ARPP21: variants seen among roughly 807,000 people sequenced by gnomAD.
The protein encoded by ARPP21 is cAMP-regulated phosphoprotein 21.
A neutral mutation model predicts 113.2 loss-of-function variants in ARPP21; 69 were observed. The observed-to-expected ratio is 0.61, with a 90% CI of 0.50 to 0.74. The LOEUF (loss-of-function observed/expected upper bound fraction) is 0.74. ARPP21 is among the 30% of genes least tolerant of loss of function. The pLI is 0.00. For synonymous variants in ARPP21, 368 were observed against 375.5 expected (o/e 0.98, Z 0.23); for missense variants, 1,070 against 1,037.4 (o/e 1.03, Z -0.43).
At chr3:35,681,527 T>C in intron 2 of ARPP21, 187 bp from the exon 3 acceptor site, 1 of 497,612 alleles carries the variant, frequency 2.0e-6, no homozygotes, top group Non-Finnish European at 3.6e-6. Context: ...GGGGTGTGGA[T>C]GGGACAACTG....
chr3:35,672,874 A>G (rs941704251), intron 1 of ARPP21, among the ~76,000 whole-genome samples: 1 of 152,036 alleles, frequency 6.6e-6, no homozygotes, highest in African/African-American at 2.4e-5. Flanking sequence ...GAATAGATGT[A>G]TTTGATGTGA....
chr3:35,657,885 C>T (rs988491512), intron 1 of ARPP21, among the ~76,000 whole-genome samples: 23 of 152,176 alleles, frequency 1.5e-4, no homozygotes, highest in African/African-American at 2.9e-4. Flanking sequence ...GACCAGTGGT[C>T]GTGCATCCAC....
intron 1 of ARPP21, among the ~76,000 whole-genome samples, chr3:35,654,151 T>G (rs952274458): frequency 1.3e-5 from 2 of 152,072 alleles, no homozygotes; most frequent in African/African-American, 4.8e-5. Context: ...AATATTATTT[T>G]TTCAGAAAAT....
chr3:35,721,546 A>T, intron 13 of ARPP21, 59 bp from the exon 14 acceptor site: 1 of 980,998 alleles, frequency 1.0e-6, no homozygotes, highest in East Asian at 2.5e-5. Context: ...TGTGCCTACC[A>T]ACACCATGCA....
In ARPP21 at chr3:35,640,069, C is replaced by G. The variant is rs558308694; in HGVS notation, c.-542C>G. The G allele has an allele frequency of 2.6e-5, 4 of 152,496 alleles. No individual in the cohort carries two copies. The highest frequency in any genetic ancestry group is 1.3e-4 in the Admixed American group (2 of 15,308). 9.4% of individuals were successfully genotyped at this position (152,496 alleles called of 1,614,324 possible). A position where few individuals can be genotyped will look rare whatever the true frequency, so the allele number is the denominator to read the frequency against. ...GAAGGCGGCGGTGGCACCTTCTGAG[C>G]GCGTCCGGAGCAGAGACCAGCAGCA... On this transcript the variant is annotated 5_prime_UTR_variant, in exon 1 of 21. Transcript: ENST00000684406.
intron 19 of ARPP21, among the ~76,000 whole-genome samples, chr3:35,762,441 A>G (rs2095817701): frequency 6.6e-6 from 1 of 152,120 alleles, no homozygotes; most frequent in Admixed American, 6.6e-5. Context: ...CAGGTGTGAT[A>G]CTATTCAGGG....
At chr3:35,769,705 T>G (rs2096126328) in intron 19 of ARPP21, among the ~76,000 whole-genome samples, 1 of 152,184 alleles carries the variant, frequency 6.6e-6, no homozygotes, top group South Asian at 2.1e-4. Flanking sequence ...GCTAACACTA[T>G]CTCTATCTAT....
At chr3:35,742,178 G>A (rs944085469) in intron 18 of ARPP21, among the ~76,000 whole-genome samples, 1 of 152,196 alleles carries the variant, frequency 6.6e-6, no homozygotes, top group Non-Finnish European at 1.5e-5. Flanking sequence ...TCAAGGAATA[G>A]ATATCACATT....
intron 9 of ARPP21, among the ~76,000 whole-genome samples, chr3:35,694,270 CT>C (rs965912363): frequency 7.9e-5 from 12 of 151,530 alleles, no homozygotes; most frequent in African/African-American, 2.9e-4. Context: ...CTGCACTGAC[CT>C]CTGGTATTTT....
intron 5 of ARPP21, chr3:35,685,217 C>T (rs891319467): frequency 2.0e-6 from 2 of 985,226 alleles, no homozygotes; most frequent in Admixed American, 6.2e-5. Flanking sequence ...AACTGTATCA[C>T]AGTGCCCACT....
intron 13 of ARPP21, among the ~76,000 whole-genome samples, chr3:35,718,925 T>C (rs1439359191): frequency 3.5e-5 from 5 of 143,646 alleles, no homozygotes; most frequent in South Asian, 2.2e-4. Context: ...AAAAAAAAAA[T>C]GCATATAGAC....
At chr3:35,778,519 C>G (rs759916934) in intron 19 of ARPP21, among the ~76,000 whole-genome samples, 1 of 152,176 alleles carries the variant, frequency 6.6e-6, no homozygotes, top group Non-Finnish European at 1.5e-5. Flanking sequence ...ACTGGTTTCT[C>G]CCCTAAGACC....
In ARPP21 at chr3:35,679,793, G is replaced by A. The variant is rs1305297283; in HGVS notation, c.-206G>A. 6.6e-6 allele frequency: 1 copy of A among 152,174 alleles called. No homozygotes were observed. Among genetic ancestry groups the A allele is most frequent in the Non-Finnish European group, 1.5e-5 (1 of 67,860 alleles). 9.4% of individuals were successfully genotyped at this position (152,174 alleles called of 1,614,324 possible). On this transcript the variant is annotated 5_prime_UTR_variant, in exon 2 of 21. Transcript: ENST00000684406. Reference sequence around the variant, plus strand: ...ATTTTTCATCTTTTTTCAGGTTGACGATGTGTCACACTGTGTAAGGGAATC... The same window carrying A: ...ATTTTTCATCTTTTTTCAGGTTGACAATGTGTCACACTGTGTAAGGGAATC...
chr3:35,761,771 G>A (rs1286863158), intron 19 of ARPP21, among the ~76,000 whole-genome samples: 3 of 152,082 alleles, frequency 2.0e-5, no homozygotes, highest in African/African-American at 7.2e-5. Flanking sequence ...AAAGCTGTGA[G>A]CAAAAGAGCT....
At chr3:35,783,149 A>G (rs939636291) in intron 19 of ARPP21, among the ~76,000 whole-genome samples, 1 of 152,034 alleles carries the variant, frequency 6.6e-6, no homozygotes, top group African/African-American at 2.4e-5. Flanking sequence ...TTCTCAGCCC[A>G]GTATTTGAAT....
intron 19 of ARPP21, among the ~76,000 whole-genome samples, chr3:35,772,254 A>G (rs551852336): frequency 6.6e-6 from 1 of 152,318 alleles, no homozygotes; most frequent in African/African-American, 2.4e-5. Flanking sequence ...TTAAATGGCA[A>G]ACATCTTCCA....
At chr3:35,784,629 C>T (rs1410524262) in intron 19 of ARPP21, among the ~76,000 whole-genome samples, 2 of 152,110 alleles carry the variant, frequency 1.3e-5, no homozygotes, top group African/African-American at 4.8e-5. Context: ...GTTGTCTTTG[C>T]CCTAGAAAAC....
chr3:35,685,402 G>C (rs1209852322), intron 5 of ARPP21: 5 of 985,174 alleles, frequency 5.1e-6, no homozygotes, highest in Non-Finnish European at 3.6e-6. Flanking sequence ...GGGGTTGATA[G>C]AAAACATCCA....
chr3:35,676,331 G>A (rs2077466949), intron 1 of ARPP21, among the ~76,000 whole-genome samples: 1 of 131,184 alleles, frequency 7.6e-6, no homozygotes, highest in Non-Finnish European at 1.7e-5. Flanking sequence ...GTTTGATCCA[G>A]GTTACTACAC....
Sources: allele counts gnomAD v4.1 joint callset (sites outside exome capture counted in the v4.1 genomes callset), GRCh38; gene constraint gnomAD v4.1.1; transcripts MANE v1.5; gene names NCBI Gene and HGNC (gene_info 2026-07-23, HGNC 2026-07-21).